The following ST6GALNAC5 variants were observed in gnomAD, a reference collection of about 807,000 sequenced individuals.
The protein encoded by ST6GALNAC5 is alpha-N-acetylgalactosaminide alpha-2,6-sialyltransferase 5.
ST6GALNAC5 carries 27 observed loss-of-function variants against 33.6 expected under a neutral mutation model. That is an observed-to-expected ratio of 0.80 (90% CI 0.59 to 1.11). ST6GALNAC5 has a LOEUF of 1.11. Ranked by LOEUF, ST6GALNAC5 falls within the 50% of genes least tolerant of loss-of-function variation. ST6GALNAC5 has a pLI of 0.00. For missense variants in ST6GALNAC5, 428 were observed against 454.0 expected (o/e 0.94, Z 0.52); for synonymous variants, 194 against 171.2 (o/e 1.13, Z -1.04).
intron 2 of ST6GALNAC5, among the ~76,000 whole-genome samples, chr1:76,907,222 T>A (rs1646871997): frequency 6.6e-6 from 1 of 152,026 alleles, no homozygotes; most frequent in Non-Finnish European, 1.5e-5. Context: ...CCAAAACCAT[T>A]CTTTGGGTTT....
chr1:76,981,800 G>T (rs1475030699), intron 2 of ST6GALNAC5, among the ~76,000 whole-genome samples: 1 of 152,186 alleles, frequency 6.6e-6, no homozygotes, highest in South Asian at 2.1e-4. Flanking sequence ...GGAAGGATCA[G>T]GCAGCAATAT....
At chr1:76,999,727 G>C (rs1409176707) in intron 2 of ST6GALNAC5, among the ~76,000 whole-genome samples, 3 of 147,234 alleles carry the variant, frequency 2.0e-5, no homozygotes, top group African/African-American at 7.4e-5. Flanking sequence ...ACCTATGAGT[G>C]AGAATATGCA....
chr1:77,056,863 C>G (rs1352625213), intron 4 of ST6GALNAC5, among the ~76,000 whole-genome samples: 1 of 152,052 alleles, frequency 6.6e-6, no homozygotes, highest in African/African-American at 2.4e-5. Context: ...CCATGGGCTT[C>G]CAAGGTATAC....
At chr1:76,991,461 G>T (rs1649726104) in intron 2 of ST6GALNAC5, among the ~76,000 whole-genome samples, 1 of 152,162 alleles carries the variant, frequency 6.6e-6, no homozygotes. Flanking sequence ...AGCATTTTCT[G>T]AAAATCATCA....
At chr1:76,963,184 G>A (rs1648314433) in intron 2 of ST6GALNAC5, among the ~76,000 whole-genome samples, 1 of 152,188 alleles carries the variant, frequency 6.6e-6, no homozygotes. Context: ...TTAGCTAGAA[G>A]TTATTGAAAT....
At chr1:76,872,241 C>T (rs1653526588) in intron 2 of ST6GALNAC5, among the ~76,000 whole-genome samples, 1 of 152,112 alleles carries the variant, frequency 6.6e-6, no homozygotes, top group South Asian at 2.1e-4. Context: ...AGGTCATTTG[C>T]CATCTGGTAG....
intron 2 of ST6GALNAC5, among the ~76,000 whole-genome samples, chr1:76,898,173 T>G (rs932437356): frequency 9.9e-5 from 15 of 152,168 alleles, no homozygotes; most frequent in African/African-American, 3.1e-4. Flanking sequence ...GGGATACGGC[T>G]TAGGAGGAAT....
chr1:76,922,160 A>T (rs1438560194), intron 2 of ST6GALNAC5, among the ~76,000 whole-genome samples: 1 of 152,248 alleles, frequency 6.6e-6, no homozygotes, highest in Non-Finnish European at 1.5e-5. Flanking sequence ...TAAATTCAGT[A>T]TGATTAACAG....
At chr1:76,891,165 G>A (rs112694883) in intron 2 of ST6GALNAC5, among the ~76,000 whole-genome samples, 1,624 of 152,214 alleles carry the variant, frequency 0.011, 11 homozygotes, top group Non-Finnish European at 0.015. Flanking sequence ...CAGCAAAATG[G>A]TTTTCCAAAA....
In ST6GALNAC5 at chr1:76,868,599, C is replaced by G; in HGVS notation, c.118C>G (p.Gln40Glu). ...CCAGAAGGAGCGGCCCCCGCAGCAG[C>G]AGCAGCAGCAGCAGCAACAGCAGCA... The part of the protein sequence containing the change: ...GGQKERPPQQ[Q>E]QQQQQQQQQA... The change falls in exon 2 of 5, where the codon CAG (glutamine) becomes GAG (glutamate). Residue 40 changes from glutamine to glutamate, a missense_variant. Transcript: ENST00000477717. This position sits in a 1 kb window ranked among gnomAD's most constrained non-coding sequence, Gnocchi z 4.3. The G allele has an allele frequency of 6.2e-7, 1 of 1,610,072 alleles. No homozygotes were observed. Among genetic ancestry groups the G allele is most frequent in the Admixed American group, 1.7e-5 (1 of 59,920 alleles).
At chr1:76,945,645 G>A (rs2100330694) in intron 2 of ST6GALNAC5, among the ~76,000 whole-genome samples, 1 of 152,162 alleles carries the variant, frequency 6.6e-6, no homozygotes, top group South Asian at 2.1e-4. Flanking sequence ...ATAATCCTGT[G>A]CTTTACTTTC....
chr1:77,037,567 G>A (rs613378), intron 2 of ST6GALNAC5, among the ~76,000 whole-genome samples: 36,650 of 138,460 alleles, frequency 0.26, 5,260 homozygotes, highest in African/African-American at 0.45. Context: ...AATTATAAAA[G>A]TAAATATAAA....
intron 2 of ST6GALNAC5, among the ~76,000 whole-genome samples, chr1:77,033,252 G>A (rs1293864551): frequency 6.6e-6 from 1 of 152,220 alleles, no homozygotes. Flanking sequence ...CTGAGAAAGT[G>A]AGGCACTGAG....
chr1:77,028,795 G>C (rs925523086), intron 2 of ST6GALNAC5, among the ~76,000 whole-genome samples: 1 of 152,228 alleles, frequency 6.6e-6, no homozygotes, highest in African/African-American at 2.4e-5. Flanking sequence ...ACACAGGGAA[G>C]TTGAGAAATT....
At chr1:76,974,896 C>T (rs1370212597) in intron 2 of ST6GALNAC5, among the ~76,000 whole-genome samples, 1 of 143,696 alleles carries the variant, frequency 7.0e-6, no homozygotes, top group Non-Finnish European at 1.5e-5. Context: ...AGTTATTCTC[C>T]TGCCTTAGCC....
At chr1:76,958,113 G>A (rs1319178063) in intron 2 of ST6GALNAC5, among the ~76,000 whole-genome samples, 1 of 152,170 alleles carries the variant, frequency 6.6e-6, no homozygotes, top group African/African-American at 2.4e-5. Flanking sequence ...GACATCCTGA[G>A]GCTCATGATG....
intron 2 of ST6GALNAC5, among the ~76,000 whole-genome samples, chr1:76,918,983 T>A (rs1647004135): frequency 1.3e-5 from 2 of 152,144 alleles, no homozygotes; most frequent in South Asian, 4.1e-4. Flanking sequence ...ACCTTTTAAT[T>A]TCCTCAGGTA....
chr1:76,989,429 A>AT lies in ST6GALNAC5; in HGVS notation c.262-54767dup, dbSNP rs912188919. The stretch of plus-strand genomic sequence containing the variant: ...CCAGGTGATCACTTTAATTTGAAGG[A>AT]TTTTTTTTCCTCCAAATTCATGGCA... On this transcript the variant is annotated intron_variant, in intron 2 of 4. Transcript: ENST00000477717. Among the ~76,000 whole-genome samples the AT allele has an allele frequency of 7.9e-5, 12 of 151,660 alleles. No individual in the cohort carries two copies. The South Asian group carries it at 1.2e-3, about 16-fold the overall frequency.
intron 2 of ST6GALNAC5, among the ~76,000 whole-genome samples, chr1:76,883,282 T>C (rs1357330): frequency 0.031 from 4,774 of 152,362 alleles, 239 homozygotes; most frequent in African/African-American, 0.11. Flanking sequence ...TTTTTCCACA[T>C]GCAAGTCTCC....
Sources: allele counts gnomAD v4.1 joint callset (sites outside exome capture counted in the v4.1 genomes callset), GRCh38; gene constraint gnomAD v4.1.1; non-coding constraint Gnocchi (gnomAD v3.1); transcripts MANE v1.5; gene names NCBI Gene and HGNC (gene_info 2026-07-23, HGNC 2026-07-21).